The following GLG1 variants were observed in gnomAD, a reference collection of about 807,000 sequenced individuals.
GLG1 encodes the protein golgi glycoprotein 1.
GLG1 carries 38 observed loss-of-function variants against 160.5 expected under a neutral mutation model. That is an observed-to-expected ratio of 0.24 (90% CI 0.18 to 0.31). The LOEUF is 0.31. Among genes scored for constraint, GLG1 ranks in the 10% least tolerant of loss-of-function variants. The probability of loss-of-function intolerance (pLI) is 1.00; values close to 1 mark genes in which losing one functional copy is unlikely to be tolerated. For synonymous variants in GLG1, 644 were observed against 543.4 expected, an observed-to-expected ratio of 1.19 and a Z score of -2.57; for missense variants, 1,373 against 1,505.2, an observed-to-expected ratio of 0.91 and a Z score of 1.45.
At chr16:74,590,009 T>C (rs1958137126) in intron 1 of GLG1, among the ~76,000 whole-genome samples, 1 of 151,826 alleles carries the variant, frequency 6.6e-6, no homozygotes, top group South Asian at 2.1e-4. Context: ...GTTGTTGTTG[T>C]TGTTTTTTTG....
intron 1 of GLG1, among the ~76,000 whole-genome samples, chr16:74,571,910 G>A (rs1189746015): frequency 6.6e-6 from 1 of 152,230 alleles, no homozygotes; most frequent in Non-Finnish European, 1.5e-5. Context: ...CCCAGCATGT[G>A]ATACTGTGGA....
chr16:74,573,340 T>A (rs567903839), intron 1 of GLG1, among the ~76,000 whole-genome samples: 59 of 152,172 alleles, frequency 3.9e-4, no homozygotes, highest in South Asian at 6.2e-4. Context: ...TATATTTTTT[T>A]TAAAAATTGC....
At chr16:74,580,243 G>C (rs1361390610) in intron 1 of GLG1, among the ~76,000 whole-genome samples, 1 of 152,064 alleles carries the variant, frequency 6.6e-6, no homozygotes, top group African/African-American at 2.4e-5. Context: ...CAGCACTTTG[G>C]GAGGCTGAGG....
intron 11 of GLG1, among the ~76,000 whole-genome samples, chr16:74,478,958 C>T (rs1298467795): frequency 7.1e-6 from 1 of 139,980 alleles, no homozygotes; most frequent in African/African-American, 2.6e-5. Flanking sequence ...CTAATCCCAG[C>T]ACTTTGGGAG....
Position 74,465,719 on chromosome 16 carries a change from T to C in GLG1, c.2624A>G (p.Glu875Gly). The change falls in exon 19 of 26, where the codon GAG becomes GGG. Residue 875 changes from glutamate (E) to glycine (G), a missense_variant. Transcript: ENST00000422840. Reference protein sequence around the residue: ...KLQETEMMDPELDYTLMRVCK... With the variant: ...KLQETEMMDPGLDYTLMRVCK... Reference sequence around the variant, plus strand: ...GACCCTCATGAGGGTGTAGTCTAGCTCTGGGTCCATCATCTCTGTCTCCTG... The same window carrying C: ...GACCCTCATGAGGGTGTAGTCTAGCCCTGGGTCCATCATCTCTGTCTCCTG... 1 of 1,613,994 alleles carries C rather than the reference T, an allele frequency of 6.2e-7. No individual in the cohort carries two copies. Among genetic ancestry groups the C allele is most frequent in the Non-Finnish European group, 8.5e-7 (1 of 1,179,878 alleles).
chr16:74,581,476 C>CT lies in GLG1; in HGVS notation c.438+25180_438+25181insA, dbSNP rs552150568. ...AGATAAAAAATAGAATGGTGGTTGC[C>CT]AGGGACTCTGGAATGGGAAGTTGTT... On this transcript the variant is annotated intron_variant, in intron 1 of 25. Transcript: ENST00000422840. 1.5e-3 allele frequency among the ~76,000 whole-genome samples: 217 copies of CT among 146,702 alleles called. 1 individual carries two copies. In the South Asian group the frequency reaches 0.017, roughly 11 times the overall value.
At chr16:74,471,899 C>T (rs1371615433) in intron 14 of GLG1, among the ~76,000 whole-genome samples, 4 of 90,032 alleles carry the variant, frequency 4.4e-5, no homozygotes, top group Middle Eastern at 6.0e-3. Flanking sequence ...ATCTCTCTCT[C>T]GATCTTGTTT....
chr16:74,478,654 G>A (rs906279427), intron 11 of GLG1, among the ~76,000 whole-genome samples: 1 of 151,886 alleles, frequency 6.6e-6, no homozygotes, highest in South Asian at 2.1e-4. Context: ...GCTCACACCT[G>A]TAATCCCAGC....
At chr16:74,466,479 G>A (rs940419847) in intron 18 of GLG1, among the ~76,000 whole-genome samples, 5 of 152,132 alleles carry the variant, frequency 3.3e-5, no homozygotes, top group Non-Finnish European at 5.9e-5. Flanking sequence ...TGGGGCTATC[G>A]CAGGAAGCCA....
intron 15 of GLG1, 90 bp downstream of exon 15, chr16:74,471,083 T>A: frequency 1.3e-6 from 1 of 796,696 alleles, no homozygotes. Context: ...TAACAGAACA[T>A]CAGAGGTGCT....
intron 1 of GLG1, among the ~76,000 whole-genome samples, chr16:74,557,842 C>T (rs1046860516): frequency 6.6e-6 from 1 of 151,676 alleles, no homozygotes; most frequent in African/African-American, 2.4e-5. Context: ...TGCCTCAGCT[C>T]CCAAAGTGCT....
At chr16:74,585,037 CAT>C (rs1355263216) in intron 1 of GLG1, among the ~76,000 whole-genome samples, 5 of 152,276 alleles carry the variant, frequency 3.3e-5, no homozygotes, top group Admixed American at 6.5e-5. Context: ...CCAAACACCA[CAT>C]GTTCCCCAAA....
intron 5 of GLG1, among the ~76,000 whole-genome samples, chr16:74,495,775 A>G (rs771236436): frequency 2.6e-5 from 4 of 152,242 alleles, no homozygotes; most frequent in Admixed American, 6.5e-5. Flanking sequence ...CCAAGAACTG[A>G]AATTGAGAAG....
At chr16:74,571,692 G>A (rs1412873996) in intron 1 of GLG1, among the ~76,000 whole-genome samples, 1 of 151,944 alleles carries the variant, frequency 6.6e-6, no homozygotes, top group African/African-American at 2.4e-5. Flanking sequence ...GGGCACAGTG[G>A]TGCACGCCTG....
At chr16:74,512,065 C>A (rs1410420464) in intron 2 of GLG1, among the ~76,000 whole-genome samples, 1 of 151,986 alleles carries the variant, frequency 6.6e-6, no homozygotes, top group Non-Finnish European at 1.5e-5. Flanking sequence ...AGAACATTAT[C>A]ACCCCAAACA....
chr16:74,537,581 G>A (rs992126904), intron 1 of GLG1, among the ~76,000 whole-genome samples: 1 of 140,278 alleles, frequency 7.1e-6, no homozygotes, highest in African/African-American at 2.7e-5. Context: ...ATATTTTTCT[G>A]AGAAGAATAT....
intron 11 of GLG1, among the ~76,000 whole-genome samples, chr16:74,477,973 C>CAAAA (rs1319673867): frequency 0.041 from 940 of 22,714 alleles, 11 homozygotes; most frequent in Non-Finnish European, 0.069. Context: ...AACTCCGTCT[C>CAAAA]AAAAAAATAA....
chr16:74,605,828 A>G (rs982660695), intron 1 of GLG1, among the ~76,000 whole-genome samples: 1 of 152,200 alleles, frequency 6.6e-6, no homozygotes, highest in Admixed American at 6.5e-5. Flanking sequence ...CACCTCTGGA[A>G]AAAGTTACTA....
chr16:74,462,937 C>A (rs2014858968), intron 20 of GLG1: 1 of 437,080 alleles, frequency 2.3e-6, no homozygotes, highest in Non-Finnish European at 4.1e-6. Context: ...ATAACAGACA[C>A]TTTTGAGAAC....
Sources: allele counts gnomAD v4.1 joint callset (sites outside exome capture counted in the v4.1 genomes callset), GRCh38; gene constraint gnomAD v4.1.1; transcripts MANE v1.5; gene names NCBI Gene and HGNC (gene_info 2026-07-23, HGNC 2026-07-21).